Variants in ADAM12 observed in about 807,000 individuals in gnomAD.
ADAM12 encodes ADAM metallopeptidase domain 12.
ADAM12 carries 70 observed loss-of-function variants against 106.4 expected under a neutral mutation model. That is an observed-to-expected ratio of 0.66 (90% CI 0.54 to 0.80). ADAM12 has a LOEUF of 0.80. Ranked by LOEUF, ADAM12 falls within the 30% of genes least tolerant of loss-of-function variation. ADAM12 has a pLI of 0.00. For missense variants in ADAM12, 1,010 were observed against 1,171.9 expected (o/e 0.86, Z 2.02); for synonymous variants, 420 against 433.5 (o/e 0.97, Z 0.39).
chr10:126,384,895 G>A (rs1055663300), intron 1 of ADAM12, among the ~76,000 whole-genome samples: 1 of 152,078 alleles, frequency 6.6e-6, no homozygotes, highest in Non-Finnish European at 1.5e-5. Context: ...CAGGTTAAGG[G>A]CTCAGTCCCA....
chr10:126,024,897 C>T (rs34984856), intron 21 of ADAM12, among the ~76,000 whole-genome samples: 32,845 of 150,854 alleles, frequency 0.22, 4,409 homozygotes, highest in East Asian at 0.32. Context: ...GGGAGTGACA[C>T]GGAGCCAAGG....
intron 6 of ADAM12, among the ~76,000 whole-genome samples, chr10:126,110,981 G>C (rs1210811820): frequency 6.6e-6 from 1 of 152,134 alleles, no homozygotes; most frequent in South Asian, 2.1e-4. Flanking sequence ...TCAGACAAAA[G>C]CAAAAGAAAA....
At chr10:126,019,469 C>T (rs1362645184) in intron 22 of ADAM12, among the ~76,000 whole-genome samples, 2 of 152,204 alleles carry the variant, frequency 1.3e-5, no homozygotes, top group African/African-American at 4.8e-5. Flanking sequence ...CTCTTAGGTC[C>T]ACTGTGGCTG....
chr10:126,270,104 T>C (rs1959168566), intron 3 of ADAM12, among the ~76,000 whole-genome samples: 1 of 152,192 alleles, frequency 6.6e-6, no homozygotes, highest in Non-Finnish European at 1.5e-5. Flanking sequence ...CTGAAGGAGT[T>C]TGGTCTAGTT....
At chr10:126,312,158 G>A (rs1961135872) in intron 2 of ADAM12, among the ~76,000 whole-genome samples, 1 of 147,178 alleles carries the variant, frequency 6.8e-6, no homozygotes, top group African/African-American at 2.5e-5. Flanking sequence ...AAAAACCCAC[G>A]TTTGGTGACC....
chr10:126,135,765 T>G lies in ADAM12; in HGVS notation c.340-105A>C, dbSNP rs112847253. 2,551 of 987,744 alleles carry G rather than the reference T, an allele frequency of 2.6e-3. 54 individuals are homozygous for G. The African/African-American group carries it at 0.037, about 14-fold the overall frequency. The allele number at this position is 987,744 out of a possible 1,614,324, so 61.2% of individuals were successfully genotyped here. On this transcript the variant is annotated intron_variant, in intron 4 of 22. Coordinates refer to ENST00000448723, the MANE Select transcript of ADAM12 (RefSeq NM_001288973.2). ...TTTAACTATAGAATTTTCCATTGCA[T>G]AAAATATTGTTCTACAGTCTTAATA...
intron 3 of ADAM12, among the ~76,000 whole-genome samples, chr10:126,203,152 A>C (rs1384815426): frequency 2.0e-5 from 3 of 152,136 alleles, no homozygotes; most frequent in African/African-American, 7.2e-5. Context: ...ACCACAAAAA[A>C]CCTTTATTTC....
At chr10:126,159,234 T>G (rs1223431948) in intron 3 of ADAM12, among the ~76,000 whole-genome samples, 1 of 134,870 alleles carries the variant, frequency 7.4e-6, no homozygotes, top group South Asian at 2.3e-4. Context: ...GGCGTGAACC[T>G]GGGAGGCAGA....
At chr10:126,085,947 C>T (rs534407344) in intron 11 of ADAM12, among the ~76,000 whole-genome samples, 1 of 152,246 alleles carries the variant, frequency 6.6e-6, no homozygotes, top group East Asian at 1.9e-4. Context: ...TAGAAATAAT[C>T]CTTTACCCTA....
At chr10:126,117,875 GTCCCACTGT>G (rs1565070781) in intron 6 of ADAM12, among the ~76,000 whole-genome samples, 154 bp downstream of exon 6, 1 of 151,842 alleles carries the variant, frequency 6.6e-6, no homozygotes, top group Non-Finnish European at 1.5e-5. Context: ...TTATGGTTGT[GTCCCACTGT>G]ATAATGTCTA....
In ADAM12 at chr10:126,378,548, G is replaced by T. The variant is rs4598580; in HGVS notation, c.88+9510C>A. On this transcript the variant is annotated intron_variant, in intron 1 of 22. Transcript: ENST00000448723. ...TACTTAACAGTTAAATACATGAAGA[G>T]TATCAGATATTGATTAGGGGTATGT... Among the ~76,000 whole-genome samples, 1,143 of 152,244 alleles carry T rather than the reference G, an allele frequency of 7.5e-3. 18 individuals carry two copies. Among genetic ancestry groups the T allele is most frequent in the African/African-American group, 0.026 (1,083 of 41,530 alleles).
In ADAM12 at chr10:126,278,954, C is replaced by T. The variant is rs373999464; in HGVS notation, c.221G>A (p.Arg74Gln). The change falls in exon 3 of 23, where the codon CGG becomes CAG. Residue 74 changes from arginine to glutamine, a missense_variant. Arg to Gln is a conservative substitution (Grantham distance 43, BLOSUM62 1). This residue lies in a region of ADAM12 where 391 missense variants were observed against 442.9 expected (regional missense o/e 0.88). Transcript: ENST00000448723. ...ATTTATGATCAGTTCTTTGCTTTCC[C>T]GTTGTAGTCGAATATTCAGCACTTC... is the stretch of plus-strand genomic sequence containing the variant. ...HPEVLNIRLQ[R>Q]ESKELIINLE... is the part of the protein sequence containing the mutation. 39 of 1,612,922 alleles carry T rather than the reference C, an allele frequency of 2.4e-5. No individual in the cohort carries two copies. The highest frequency in any genetic ancestry group is 5.3e-5 in the African/African-American group (4 of 74,868).
chr10:126,302,665 A>G (rs965508875), intron 2 of ADAM12, among the ~76,000 whole-genome samples: 2 of 152,152 alleles, frequency 1.3e-5, no homozygotes, highest in African/African-American at 4.8e-5. Context: ...GTCAGTTTGT[A>G]TTCAATTGTT....
intron 6 of ADAM12, among the ~76,000 whole-genome samples, chr10:126,112,598 G>A (rs907085190): frequency 2.0e-5 from 3 of 152,052 alleles, no homozygotes; most frequent in East Asian, 1.9e-4. Context: ...AATAACCCCC[G>A]ATCAGCCTGC....
chr10:126,042,108 A>G, intron 18 of ADAM12: 1 of 1,611,728 alleles, frequency 6.2e-7, no homozygotes, highest in Non-Finnish European at 8.5e-7. Flanking sequence ...AGCACTGGTC[A>G]CGGTCTCCAT....
chr10:126,378,319 T>C (rs918892319), intron 1 of ADAM12, among the ~76,000 whole-genome samples: 2 of 152,200 alleles, frequency 1.3e-5, no homozygotes, highest in African/African-American at 4.8e-5. Context: ...CTTACACCCA[T>C]ACCTAAGATA....
chr10:126,380,366 A>G (rs550266112), intron 1 of ADAM12, among the ~76,000 whole-genome samples: 2 of 152,368 alleles, frequency 1.3e-5, no homozygotes, highest in Admixed American at 6.5e-5. Context: ...TGCTATAGTT[A>G]TGGCAAAGAT....
chr10:126,175,060 A>C (rs11244866), intron 3 of ADAM12, among the ~76,000 whole-genome samples: 20,438 of 151,828 alleles, frequency 0.13, 1,560 homozygotes, highest in East Asian at 0.34. Flanking sequence ...CCGGCCACCC[A>C]TTTTTATTAA....
At chr10:126,021,013 AT>A (rs1339651609) in intron 21 of ADAM12, among the ~76,000 whole-genome samples, 37 of 148,202 alleles carry the variant, frequency 2.5e-4, no homozygotes, top group Middle Eastern at 3.4e-3. Flanking sequence ...AAAAAAAAAA[AT>A]GTAAGAACAC....
Sources: gnomAD v4.1 joint callset for allele counts (sites outside exome capture counted in the v4.1 genomes callset) on GRCh38, gnomAD v4.1.1 for gene constraint, gnomAD v4.1.1 regional missense constraint, MANE v1.5 for transcripts, NCBI Gene and HGNC (gene_info 2026-07-23, HGNC 2026-07-21) for gene names.